The following RPGRIP1 variants were observed in gnomAD, a reference collection of about 807,000 sequenced individuals.
RPGRIP1 encodes the protein X-linked retinitis pigmentosa GTPase regulator-interacting protein 1.
In RPGRIP1, 128 loss-of-function variants were observed where a neutral mutation model predicts 157.9. That is an observed-to-expected ratio of 0.81 (90% confidence interval 0.70 to 0.94). The LOEUF is 0.94. RPGRIP1 is among the 40% of genes least tolerant of loss of function. RPGRIP1 has a pLI of 0.00. For synonymous variants in RPGRIP1, 554 were observed against 571.6 expected, an observed-to-expected ratio of 0.97 and a Z score of 0.44; for missense variants, 1,486 against 1,545.8, an observed-to-expected ratio of 0.96 and a Z score of 0.65.
intron 21 of RPGRIP1, among the ~76,000 whole-genome samples, chr14:21,342,450 G>A (rs988361790): frequency 2.6e-5 from 4 of 151,608 alleles, no homozygotes; most frequent in African/African-American, 9.7e-5. Flanking sequence ...TGACTAAGGT[G>A]GGAAGACTGC....
At chr14:21,321,555 T>C (rs1882472748) in intron 13 of RPGRIP1, 153 bp downstream of exon 13, 10 of 1,408,272 alleles carry the variant, frequency 7.1e-6, no homozygotes, top group East Asian at 2.5e-5. Context: ...TTTGAAGAAC[T>C]TGAGGACTCA....
rs571705553 is a variant in RPGRIP1, at chr14:21,343,772, G to A, written c.3532+544G>A. Among the ~76,000 whole-genome samples the A allele has an allele frequency of 4.0e-5, 6 of 151,578 alleles. No individual in the cohort carries two copies. The South Asian group carries it at 8.3e-4, about 21-fold the overall frequency. ...CTCCCAAAGTGCTGGGATTATAGGC[G>A]TGAGCCACCAAGCCCATCCTATCTC... On this transcript the variant is annotated intron_variant, in intron 22 of 24. Coordinates refer to ENST00000400017, the MANE Select transcript of RPGRIP1 (RefSeq NM_020366.4).
intron 17 of RPGRIP1, among the ~76,000 whole-genome samples, chr14:21,327,266 A>G (rs2139243695): frequency 6.6e-6 from 1 of 152,268 alleles, no homozygotes; most frequent in East Asian, 1.9e-4. Context: ...GGTAGAGGTA[A>G]CAGTTTTCTT....
At position 21,312,520 on chromosome 14, in the gene RPGRIP1, T is replaced by C. The variant is rs1266458284; in HGVS notation, c.1151+14T>C. The C allele has an allele frequency of 6.3e-7, 1 of 1,585,050 alleles. No individual in the cohort carries two copies. On this transcript the variant is annotated intron_variant, in intron 10 of 24. Transcript: ENST00000400017. ...ACTCTTAGAAAGGTGAGTACCACAT[T>C]TGGGTCCCAGAGCAGTGTTACTATG...
chr14:21,329,073 G>A (rs931580160), intron 19 of RPGRIP1, among the ~76,000 whole-genome samples: 11 of 151,288 alleles, frequency 7.3e-5, no homozygotes, highest in Non-Finnish European at 1.6e-4. Context: ...GAAGCTGGGA[G>A]GTGGAGGTTG....
intron 3 of RPGRIP1, 71 bp from the exon 4 acceptor site, chr14:21,300,895 T>C: frequency 6.5e-7 from 1 of 1,528,712 alleles, no homozygotes; most frequent in African/African-American, 1.4e-5. Context: ...TTCGTGATTA[T>C]ATGTCCCAAA....
intron 1 of RPGRIP1, among the ~76,000 whole-genome samples, chr14:21,282,197 A>T (rs1880156561): frequency 6.6e-6 from 1 of 152,110 alleles, no homozygotes; most frequent in Admixed American, 6.6e-5. Context: ...TCACTAACCT[A>T]TACTTGTCCA....
Position 21,303,560 on chromosome 14 carries a change from C to CCATG in RPGRIP1, c.800+19_800+22dup. 6.3e-7 allele frequency: 1 copy of CCATG among 1,591,632 alleles called. No homozygotes were observed. Among genetic ancestry groups the CCATG allele is most frequent in the Non-Finnish European group, 8.6e-7 (1 of 1,160,936 alleles). On this transcript the variant is annotated intron_variant, in intron 6 of 24. Transcript: ENST00000400017. Reference sequence around the variant, plus strand: ...AGAGCTTCGGTAAGAGTGTGGCACTCCATGCCTCAAACCAAAACGAACTGA... The same window carrying CCATG: ...AGAGCTTCGGTAAGAGTGTGGCACTCCATGCATGCCTCAAACCAAAACGAACTGA...
intron 1 of RPGRIP1, among the ~76,000 whole-genome samples, chr14:21,282,905 C>A (rs556881591): frequency 1.3e-5 from 2 of 152,126 alleles, no homozygotes; most frequent in Non-Finnish European, 2.9e-5. Context: ...CCACTGTGCC[C>A]GGCCTACATT....
intron 21 of RPGRIP1, among the ~76,000 whole-genome samples, chr14:21,336,288 A>G (rs1165714557): frequency 6.6e-6 from 1 of 152,192 alleles, no homozygotes; most frequent in African/African-American, 2.4e-5. Flanking sequence ...TAATCCCAGC[A>G]CTTTGGGAAA....
At chr14:21,312,598 G>T in intron 10 of RPGRIP1, 92 bp downstream of exon 10, 1 of 697,656 alleles carries the variant, frequency 1.4e-6, no homozygotes, top group Non-Finnish European at 2.4e-6. Context: ...AAATATATGG[G>T]GAAATTGGTA....
Position 21,334,589 on chromosome 14 carries a change from A to T in RPGRIP1, c.3239-16A>T. 5.7e-6 allele frequency: 9 copies of T among 1,576,596 alleles called. No homozygotes were observed. Among genetic ancestry groups the T allele is most frequent in the Non-Finnish European group, 7.8e-6 (9 of 1,155,954 alleles). On this transcript the variant is annotated splice_polypyrimidine_tract_variant and intron_variant, in intron 20 of 24. Coordinates refer to ENST00000400017, the MANE Select transcript of RPGRIP1 (RefSeq NM_020366.4). ...GCTTTGAAACAGTTCTATAACTGCA[A>T]CCTCTTCTCTAGCAGACAAAGAATC...
chr14:21,308,361 A>C (rs4981369), intron 7 of RPGRIP1, among the ~76,000 whole-genome samples: 48,129 of 152,112 alleles, frequency 0.32, 7,951 homozygotes, highest in East Asian at 0.56. Flanking sequence ...TAAGGTCAGC[A>C]CCATCCTTTT....
intron 14 of RPGRIP1, among the ~76,000 whole-genome samples, chr14:21,322,650 T>G (rs1882628848): frequency 6.6e-6 from 1 of 152,164 alleles, no homozygotes. Flanking sequence ...TCATTCTTTC[T>G]CTCTTGCTCC....
intron 21 of RPGRIP1, among the ~76,000 whole-genome samples, chr14:21,339,171 G>T (rs1884718016): frequency 6.6e-6 from 1 of 151,920 alleles, no homozygotes; most frequent in South Asian, 2.1e-4. Flanking sequence ...TAACTAGGCA[G>T]GTGTGGTGGC....
At chr14:21,342,020 A>C (rs1885058778) in intron 21 of RPGRIP1, among the ~76,000 whole-genome samples, 1 of 151,322 alleles carries the variant, frequency 6.6e-6, no homozygotes, top group African/African-American at 2.4e-5. Flanking sequence ...ACTGCACTCC[A>C]GCCTGGGCGA....
At chr14:21,309,776 A>T (rs1393085346) in intron 7 of RPGRIP1, among the ~76,000 whole-genome samples, 3 of 152,122 alleles carry the variant, frequency 2.0e-5, no homozygotes, top group Admixed American at 1.3e-4. Flanking sequence ...AGTTGATATG[A>T]TCAATTTTTT....
At chr14:21,329,387 A>G (rs1883477280) in intron 19 of RPGRIP1, among the ~76,000 whole-genome samples, 1 of 152,168 alleles carries the variant, frequency 6.6e-6, no homozygotes, top group Non-Finnish European at 1.5e-5. Flanking sequence ...CACAAACACA[A>G]GTAGTTTAAC....
At chr14:21,289,110 G>T (rs566987526) in intron 2 of RPGRIP1, among the ~76,000 whole-genome samples, 1 of 151,712 alleles carries the variant, frequency 6.6e-6, no homozygotes, top group Non-Finnish European at 1.5e-5. Context: ...GGCAGATCAC[G>T]AAGTCAGGAG....
Sources: gnomAD v4.1 joint callset for allele counts (sites outside exome capture counted in the v4.1 genomes callset) on GRCh38, gnomAD v4.1.1 for gene constraint, MANE v1.5 for transcripts, NCBI Gene and HGNC (gene_info 2026-07-23, HGNC 2026-07-21) for gene names.